Variants in RYR3 observed in about 807,000 individuals in gnomAD.
RYR3 encodes the protein brain ryanodine receptor-calcium release channel.
RYR3 carries 207 observed loss-of-function variants against 584.3 expected under a neutral mutation model. That is an observed-to-expected ratio of 0.35 (90% CI 0.32 to 0.40). The LOEUF is 0.40. Among genes scored for constraint, RYR3 ranks in the 10% least tolerant of loss-of-function variants. The probability of loss-of-function intolerance (pLI) is 1.00; values close to 1 mark genes in which losing one functional copy is unlikely to be tolerated. For synonymous variants in RYR3, 2,416 were observed against 2,248.5 expected (o/e 1.07, Z -2.11); for missense variants, 5,616 against 6,089.2 (o/e 0.92, Z 2.59).
intron 1 of RYR3, among the ~76,000 whole-genome samples, chr15:33,438,632 T>G (rs1366370397): frequency 6.6e-6 from 1 of 152,230 alleles, no homozygotes; most frequent in African/African-American, 2.4e-5. Flanking sequence ...CAGGGTAGTT[T>G]CACCACATTG....
chr15:33,842,708 T>G (rs1341184284), intron 91 of RYR3, among the ~76,000 whole-genome samples: 1 of 152,180 alleles, frequency 6.6e-6, no homozygotes, highest in Non-Finnish European at 1.5e-5. Context: ...CCTGGAACTG[T>G]AACTTGGAAA....
intron 93 of RYR3, chr15:33,847,306 C>G (rs1433674897): frequency 1.3e-5 from 2 of 152,216 alleles, no homozygotes; most frequent in African/African-American, 4.8e-5. Flanking sequence ...CTTTACAAAT[C>G]ACTGTCTGAA....
At chr15:33,677,136 A>G (rs551449478) in intron 38 of RYR3, among the ~76,000 whole-genome samples, 3 of 152,228 alleles carry the variant, frequency 2.0e-5, no homozygotes, top group African/African-American at 7.2e-5. Flanking sequence ...ACAAGTAAGA[A>G]AAAGGCCAAG....
chr15:33,396,173 A>G (rs996287294), intron 1 of RYR3, among the ~76,000 whole-genome samples: 9 of 152,116 alleles, frequency 5.9e-5, no homozygotes, highest in Non-Finnish European at 1.3e-4. Flanking sequence ...CACTTGAGTG[A>G]TTATGAAAGC....
At chr15:33,770,685 A>T (rs2073496410) in intron 62 of RYR3, among the ~76,000 whole-genome samples, 1 of 152,104 alleles carries the variant, frequency 6.6e-6, no homozygotes, top group Non-Finnish European at 1.5e-5. Flanking sequence ...GGAGGCTCTC[A>T]TGAGAGGTCA....
At chr15:33,463,537 G>T (rs1326880803) in intron 1 of RYR3, among the ~76,000 whole-genome samples, 1 of 151,976 alleles carries the variant, frequency 6.6e-6, no homozygotes, top group African/African-American at 2.4e-5. Flanking sequence ...TAAACAAATT[G>T]ATTATTATTT....
intron 6 of RYR3, 33 bp from the exon 7 acceptor site, chr15:33,540,758 T>A (rs564574086): frequency 7.2e-7 from 1 of 1,394,404 alleles, no homozygotes; most frequent in South Asian, 1.2e-5. Flanking sequence ...GACTGGTGAT[T>A]TAAAAGATGT....
rs577524728 is a variant in RYR3, at chr15:33,425,798, C to G, written c.52-47621C>G. 6.4e-3 allele frequency among the ~76,000 whole-genome samples: 977 copies of G among 151,984 alleles called. 4 individuals carry two copies. Among genetic ancestry groups the G allele is most frequent in the Non-Finnish European group, 0.011 (727 of 67,972 alleles). ...CTGGGACTACAGGCGCCCGCCACCA[C>G]ACCCGGCTAATTTTTTTGTATTTTT... On this transcript the variant is annotated intron_variant, in intron 1 of 103. Transcript: ENST00000634891.
At chr15:33,481,490 G>C (rs1376226002) in intron 2 of RYR3, among the ~76,000 whole-genome samples, 1 of 148,954 alleles carries the variant, frequency 6.7e-6, no homozygotes, top group Admixed American at 6.7e-5. Flanking sequence ...TTTTTTTTTG[G>C]GTTTTTTTGA....
intron 43 of RYR3, among the ~76,000 whole-genome samples, chr15:33,713,549 C>G (rs1347810928): frequency 3.3e-5 from 5 of 151,982 alleles, no homozygotes; most frequent in Non-Finnish European, 7.4e-5. Flanking sequence ...ACAGCTAACA[C>G]TTATTGAGCA....
chr15:33,834,960 C>A lies in RYR3; in HGVS notation c.11464-8C>A, dbSNP rs200401387. 2.4e-4 allele frequency: 386 copies of A among 1,612,552 alleles called. No individual in the cohort carries two copies. The African/African-American group carries it at 4.6e-3, about 19-fold the overall frequency. ...TTAAGTGACATAAGAATGTCCTCTT[C>A]TCTGCAGGGCCCTTGCATTGGTAAT... On this transcript the variant is annotated splice_polypyrimidine_tract_variant and splice_region_variant and intron_variant, in intron 86 of 103. Coordinates refer to ENST00000634891, the MANE Select transcript of RYR3 (RefSeq NM_001036.6).
chr15:33,817,000 A>C, intron 75 of RYR3, 42 bp downstream of exon 75: 1 of 1,248,964 alleles, frequency 8.0e-7, no homozygotes, highest in Non-Finnish European at 1.2e-6. Context: ...AGTGTGGATG[A>C]ATTTGATTTT....
In RYR3 at chr15:33,662,557, G is replaced by C. The variant is rs753601941; in HGVS notation, c.5027G>C (p.Gly1676Ala). The change falls in exon 35 of 104, where the codon GGT (glycine) becomes GCT (alanine). Residue 1676 changes from glycine to alanine, a missense_variant. Around this residue, in one of 9 missense-constraint regions of RYR3, gnomAD observed 753 missense variants for 741.0 expected, o/e 1.02. Transcript: ENST00000634891. ...TCCACCCCTTGCTTTGTTGTGACTG[G>C]TGAGGATCACCAAAAGCAGAGCCCC... ...RFSTPCFVVT[G>A]EDHQKQSPEI... The C allele has an allele frequency of 1.2e-6, 2 of 1,614,016 alleles. No individual in the cohort carries two copies. The highest frequency in any genetic ancestry group is 2.2e-5 in the East Asian group (1 of 44,882).
In RYR3 at chr15:33,634,730, C is replaced by G. The variant is rs774367205; in HGVS notation, c.3172C>G (p.Leu1058Val). 6.2e-7 allele frequency: 1 copy of G among 1,613,810 alleles called. No individual in the cohort carries two copies. Among genetic ancestry groups the G allele is most frequent in the Non-Finnish European group, 8.5e-7 (1 of 1,179,744 alleles). ...TAACATTGAGCCATCAGACCAAGAA[C>G]TAGGTAATGAGTTGAGAGTGTTTAT... ...GYNIEPSDQE[L>V]ADSAVEKVSI... Residue 1058 changes from leucine to valine, a missense_variant, in exon 25 of 104, where the codon CTA (leucine) becomes GTA (valine). Physicochemically the swap from Leu to Val is conservative, Grantham distance 32. Coordinates refer to ENST00000634891, the MANE Select transcript of RYR3 (RefSeq NM_001036.6).
chr15:33,773,915 T>C (rs1206205436), intron 64 of RYR3, among the ~76,000 whole-genome samples: 1 of 152,226 alleles, frequency 6.6e-6, no homozygotes, highest in Non-Finnish European at 1.5e-5. Context: ...TGTCTGCTTC[T>C]TCAGAATCAC....
intron 42 of RYR3, among the ~76,000 whole-genome samples, chr15:33,703,357 A>G (rs763534762): frequency 2.0e-5 from 3 of 152,140 alleles, no homozygotes; most frequent in East Asian, 1.9e-4. Flanking sequence ...TGACATAAAC[A>G]TCGGAAATTT....
intron 57 of RYR3, among the ~76,000 whole-genome samples, chr15:33,754,433 A>G (rs1395563927): frequency 6.6e-6 from 1 of 152,166 alleles, no homozygotes; most frequent in East Asian, 1.9e-4. Flanking sequence ...TCAACGCAAC[A>G]TGCATGCTCC....
At position 33,585,902 on chromosome 15, in the gene RYR3, C is replaced by T. The variant is rs2058825346; in HGVS notation, c.1670-96C>T. The stretch of plus-strand genomic sequence containing the variant: ...TTCAAAGAATTGACGATATCCTGTC[C>T]CCTCAGGAAGGACTGTTCATACTCA... On this transcript the variant is annotated intron_variant, in intron 15 of 103. Transcript: ENST00000634891. 7.2e-6 allele frequency: 5 copies of T among 693,394 alleles called. 1 individual carries two copies. Among genetic ancestry groups the T allele is most frequent in the Non-Finnish European group, 1.3e-5 (5 of 383,026 alleles). 43.0% of individuals were successfully genotyped at this position (693,394 alleles called of 1,614,324 possible).
At chr15:33,623,249 A>C (rs2060816630) in intron 19 of RYR3, among the ~76,000 whole-genome samples, 1 of 152,216 alleles carries the variant, frequency 6.6e-6, no homozygotes, top group East Asian at 1.9e-4. Context: ...CGGTCTCCAC[A>C]GTGTAACATT....
Sources: allele counts gnomAD v4.1 joint callset (sites outside exome capture counted in the v4.1 genomes callset), GRCh38; gene constraint gnomAD v4.1.1; regional missense constraint gnomAD v4.1.1; transcripts MANE v1.5; gene names NCBI Gene and HGNC (gene_info 2026-07-23, HGNC 2026-07-21).